Variants in NOL10 observed in about 807,000 individuals in gnomAD.
NOL10 encodes H_NH0074G24.1.
A neutral mutation model predicts 103.5 loss-of-function variants in NOL10; 58 were observed. The observed-to-expected ratio is 0.56, with a 90% confidence interval of 0.45 to 0.70. The LOEUF (loss-of-function observed/expected upper bound fraction) is 0.70. Among genes scored for constraint, NOL10 ranks in the 30% least tolerant of loss-of-function variants. The pLI is 0.00. For synonymous variants in NOL10, 287 were observed against 282.5 expected, an observed-to-expected ratio of 1.02 and a Z score of -0.16; for missense variants, 763 against 807.3, an observed-to-expected ratio of 0.95 and a Z score of 0.67.
intron 11 of NOL10, among the ~76,000 whole-genome samples, chr2:10,656,856 A>AT (rs1679871061): frequency 6.6e-6 from 1 of 152,340 alleles, no homozygotes; most frequent in African/African-American, 2.4e-5. Context: ...TACTGAATGC[A>AT]TTTTTCCCAT....
chr2:10,679,515 T>C (rs1178030777), intron 3 of NOL10, among the ~76,000 whole-genome samples: 1 of 152,010 alleles, frequency 6.6e-6, no homozygotes, highest in Non-Finnish European at 1.5e-5. Flanking sequence ...AATAAAAAAA[T>C]TCAGTTCCTC....
At chr2:10,687,130 C>T (rs954034654) in intron 1 of NOL10, among the ~76,000 whole-genome samples, 6 of 144,332 alleles carry the variant, frequency 4.2e-5, no homozygotes, top group Non-Finnish European at 6.3e-5. Flanking sequence ...CAGACAACAA[C>T]TGGGGTTCCA....
intron 2 of NOL10, 41 bp downstream of exon 2, chr2:10,684,526 G>A: frequency 2.0e-6 from 3 of 1,470,310 alleles, no homozygotes; most frequent in Admixed American, 2.0e-5. Flanking sequence ...ATTAGAACAT[G>A]GATCACTAAC....
chr2:10,687,544 C>G (rs538035716), intron 1 of NOL10, among the ~76,000 whole-genome samples: 1 of 152,210 alleles, frequency 6.6e-6, no homozygotes, highest in South Asian at 2.1e-4. Context: ...TTTGATCTCA[C>G]CTAGTCCCAA....
At chr2:10,620,777 G>A (rs542566417) in intron 13 of NOL10, among the ~76,000 whole-genome samples, 73 of 152,204 alleles carry the variant, frequency 4.8e-4, no homozygotes, top group African/African-American at 1.7e-3. Flanking sequence ...GAAGCAGTGT[G>A]TATATACTGT....
intron 13 of NOL10, among the ~76,000 whole-genome samples, chr2:10,642,742 G>T (rs1678790169): frequency 6.6e-6 from 1 of 152,126 alleles, no homozygotes; most frequent in African/African-American, 2.4e-5. Context: ...AGTCGACGCA[G>T]CTATCCTTCG....
At position 10,651,425 on chromosome 2, in the gene NOL10, T is replaced by A. The variant is rs921225776; in HGVS notation, c.973+3056A>T. Reference sequence around the variant, plus strand: ...TTTTTAGTAGCCACATTTTTAAAAATGGTAAAATTAATTTTAATATATTTT... The same window carrying A: ...TTTTTAGTAGCCACATTTTTAAAAAAGGTAAAATTAATTTTAATATATTTT... On this transcript the variant is annotated intron_variant, in intron 12 of 20. Transcript: ENST00000381685. Among the ~76,000 whole-genome samples the A allele has an allele frequency of 2.0e-5, 3 of 152,314 alleles. No homozygotes were observed. The East Asian group carries it at 5.8e-4, about 29-fold the overall frequency.
intron 19 of NOL10, among the ~76,000 whole-genome samples, chr2:10,581,114 A>C (rs971961314): frequency 6.6e-6 from 1 of 152,178 alleles, no homozygotes; most frequent in African/African-American, 2.4e-5. Flanking sequence ...ATTTCAAGAG[A>C]CTTAAACTCA....
rs73914105 is a variant in NOL10 at position 10,586,676 on chromosome 2, C to T, written c.1844+2367G>A. ...AGGAAGACCAATCCCTCCTCTTCTT[C>T]CTCTTCAGACCACTCAACATGAAGA... On this transcript the variant is annotated intron_variant, in intron 19 of 20. Coordinates refer to ENST00000381685, the MANE Select transcript of NOL10 (RefSeq NM_024894.4). Among the ~76,000 whole-genome samples the T allele has an allele frequency of 8.4e-3, 1,284 of 152,226 alleles. 18 individuals are homozygous for T. Among genetic ancestry groups the T allele is most frequent in the African/African-American group, 0.03 (1,228 of 41,532 alleles).
intron 8 of NOL10, among the ~76,000 whole-genome samples, chr2:10,663,685 C>T (rs1680368051): frequency 6.6e-6 from 1 of 151,916 alleles, no homozygotes; most frequent in Non-Finnish European, 1.5e-5. Context: ...GCGCGGTGGC[C>T]ACGCCTGTAA....
chr2:10,678,576 T>C (rs1572435253), intron 3 of NOL10, among the ~76,000 whole-genome samples: 1 of 152,116 alleles, frequency 6.6e-6, no homozygotes, highest in East Asian at 1.9e-4. Flanking sequence ...GGCCAGTCAC[T>C]TCCGTAACAA....
chr2:10,650,236 C>A (rs919373273), intron 12 of NOL10, among the ~76,000 whole-genome samples: 3 of 152,136 alleles, frequency 2.0e-5, no homozygotes, highest in Admixed American at 1.3e-4. Flanking sequence ...TCACAGCTCA[C>A]TATAAACTCA....
At chr2:10,592,075 G>T (rs570379227) in intron 17 of NOL10, among the ~76,000 whole-genome samples, 1 of 152,060 alleles carries the variant, frequency 6.6e-6, no homozygotes, top group Non-Finnish European at 1.5e-5. Flanking sequence ...GATGTCTGAC[G>T]GACTGCTGAG....
intron 4 of NOL10, among the ~76,000 whole-genome samples, chr2:10,673,949 A>G (rs1340074264): frequency 6.6e-6 from 1 of 152,206 alleles, no homozygotes; most frequent in African/African-American, 2.4e-5. Flanking sequence ...CTACCTGATA[A>G]AGAAAAAGAG....
chr2:10,609,534 A>G (rs968880539), intron 13 of NOL10, among the ~76,000 whole-genome samples: 2 of 151,950 alleles, frequency 1.3e-5, no homozygotes, highest in African/African-American at 2.4e-5. Flanking sequence ...CTGGAGGCAG[A>G]GCTTGCAGTG....
At position 10,654,529 on chromosome 2, in the gene NOL10, A is replaced by C. The variant is rs1394235057; in HGVS notation, c.925T>G (p.Leu309Val). ...TCATTAAGGTCATGCTCTGGCTCCAAGGAAGTAAATATTTTTCCCTAAAAA... is the reference window on the plus strand; with the variant it reads ...TCATTAAGGTCATGCTCTGGCTCCACGGAAGTAAATATTTTTCCCTAAAAA... ...NKNSGKIFTSLEPEHDLNDVC... is the reference protein window; with the variant it reads ...NKNSGKIFTSVEPEHDLNDVC... The change falls in exon 12 of 21, where the codon TTG becomes GTG. Residue 309 changes from leucine (L) to valine (V), a missense_variant. Leu to Val is a conservative substitution (Grantham distance 32). Coordinates refer to ENST00000381685, the MANE Select transcript of NOL10 (RefSeq NM_024894.4). 1.5e-5 allele frequency: 24 copies of C among 1,598,490 alleles called. No homozygotes were observed. The highest frequency in any genetic ancestry group is 2.0e-5 in the Non-Finnish European group (24 of 1,175,660).
intron 13 of NOL10, among the ~76,000 whole-genome samples, chr2:10,625,725 CA>C (rs1049691344): frequency 3.3e-5 from 5 of 150,294 alleles, no homozygotes; most frequent in African/African-American, 4.9e-5. Flanking sequence ...CCCACCCCCA[CA>C]AAAAAAAAGC....
chr2:10,601,743 C>T (rs567075590), intron 16 of NOL10, among the ~76,000 whole-genome samples: 4 of 152,182 alleles, frequency 2.6e-5, no homozygotes, highest in South Asian at 2.1e-4. Context: ...GAGCTCAGGT[C>T]GAGGCTGCAG....
At chr2:10,653,178 G>C (rs1679594119) in intron 12 of NOL10, among the ~76,000 whole-genome samples, 1 of 148,756 alleles carries the variant, frequency 6.7e-6, no homozygotes, top group Non-Finnish European at 1.5e-5. Context: ...CTGGGTGACA[G>C]AGCGAGACTC....
Sources: gnomAD v4.1 joint callset for allele counts (sites outside exome capture counted in the v4.1 genomes callset) on GRCh38, gnomAD v4.1.1 for gene constraint, MANE v1.5 for transcripts, NCBI Gene and HGNC (gene_info 2026-07-23, HGNC 2026-07-21) for gene names.